FLI1: variants seen among roughly 807,000 people sequenced by gnomAD.
FLI1 encodes Friend leukemia integration 1 transcription factor.
A neutral mutation model predicts 53.1 loss-of-function variants in FLI1; 13 were observed. That is an observed-to-expected ratio of 0.24 (90% CI 0.16 to 0.39). The LOEUF (loss-of-function observed/expected upper bound fraction) is 0.39. Among genes scored for constraint, FLI1 ranks in the 10% least tolerant of loss-of-function variants. FLI1 has a pLI of 1.00. For synonymous variants in FLI1, 244 were observed against 236.7 expected (o/e 1.03, Z -0.28); for missense variants, 424 against 600.5 (o/e 0.71, Z 3.07).
chr11:128,691,372 C>T (rs1004516933), upstream of FLI1, among the ~76,000 whole-genome samples: 4 of 152,196 alleles, frequency 2.6e-5, no homozygotes, highest in African/African-American at 4.8e-5. Flanking sequence ...AACTGACCTA[C>T]GGGCATGCCA....
intron 4 of FLI1, among the ~76,000 whole-genome samples, chr11:128,778,268 C>T (rs562299067): frequency 1.3e-5 from 2 of 152,226 alleles, no homozygotes; most frequent in East Asian, 3.9e-4. Context: ...AAGTGCGCTA[C>T]GTGAGACATT....
chr11:128,807,633 C>T (rs1277200636), intron 7 of FLI1, among the ~76,000 whole-genome samples: 1 of 152,174 alleles, frequency 6.6e-6, no homozygotes, highest in Non-Finnish European at 1.5e-5. Flanking sequence ...CAGAAATATC[C>T]CCATCCTGTG....
rs200878981 is a variant in FLI1 at position 128,698,787 on chromosome 11, GCA to G, written c.18+4513_18+4514del. Among the ~76,000 whole-genome samples the G allele has an allele frequency of 2.5e-4, 38 of 150,268 alleles. No individual in the cohort carries two copies. The East Asian group carries it at 7.5e-3, about 30-fold the overall frequency. ...TAAAAGAAAAATCATAAAGAATTTG[GCA>G]CTTTACACTAAAGACACCTCTGGTA... is the stretch of plus-strand genomic sequence containing the variant. On this transcript the variant is annotated intron_variant, in intron 1 of 8. Coordinates refer to ENST00000527786, the MANE Select transcript of FLI1 (RefSeq NM_002017.5).
chr11:128,713,787 G>A (rs887953955), intron 1 of FLI1, among the ~76,000 whole-genome samples: 11 of 152,094 alleles, frequency 7.2e-5, no homozygotes, highest in African/African-American at 1.7e-4. Flanking sequence ...GATAAGCCTC[G>A]GAGTCAGTAT....
chr11:128,782,901 A>T (rs1565497974), intron 5 of FLI1, among the ~76,000 whole-genome samples: 1 of 152,234 alleles, frequency 6.6e-6, no homozygotes, highest in Non-Finnish European at 1.5e-5. Flanking sequence ...GATTTCAGGC[A>T]TTGAAACAAG....
At chr11:128,721,934 C>A (rs763277075) in intron 1 of FLI1, among the ~76,000 whole-genome samples, 30 of 152,130 alleles carry the variant, frequency 2.0e-4, no homozygotes, top group Non-Finnish European at 2.8e-4. Context: ...TAAGAAGGCC[C>A]CACTAAGTGG....
intron 4 of FLI1, among the ~76,000 whole-genome samples, chr11:128,774,214 T>G (rs868311402): frequency 2.0e-5 from 3 of 152,126 alleles, no homozygotes; most frequent in African/African-American, 7.2e-5. Context: ...AAAACTGGCT[T>G]TGGCAGTTTC....
chr11:128,808,649 C>T (rs971175068), intron 7 of FLI1, among the ~76,000 whole-genome samples: 1 of 152,048 alleles, frequency 6.6e-6, no homozygotes, highest in African/African-American at 2.4e-5. Context: ...AATTGTCCAA[C>T]AAGTTATTTG....
chr11:128,742,901 T>C (rs1280658351), intron 1 of FLI1, among the ~76,000 whole-genome samples: 1 of 152,230 alleles, frequency 6.6e-6, no homozygotes, highest in African/African-American at 2.4e-5. Context: ...TTCTGGTTCA[T>C]GATTAAAAGA....
chr11:128,786,773 T>G, intron 5 of FLI1, among the ~76,000 whole-genome samples: 1 of 152,214 alleles, frequency 6.6e-6, no homozygotes. Flanking sequence ...TTTGCATGCC[T>G]AAGCCCTCAT....
chr11:128,760,499 A>G (rs1269750461), intron 2 of FLI1, among the ~76,000 whole-genome samples: 1 of 149,840 alleles, frequency 6.7e-6, no homozygotes, highest in Non-Finnish European at 1.5e-5. Flanking sequence ...TTGAAGATCC[A>G]GATCCCACTG....
intron 1 of FLI1, among the ~76,000 whole-genome samples, chr11:128,719,478 A>G (rs937057356): frequency 6.6e-6 from 1 of 151,800 alleles, no homozygotes; most frequent in African/African-American, 2.4e-5. Context: ...TAGATGTGAC[A>G]TTGTGAAGTT....
intron 7 of FLI1, 67 bp downstream of exon 7, chr11:128,807,306 T>C (rs1276368703): frequency 3.6e-6 from 4 of 1,120,354 alleles, no homozygotes; most frequent in Non-Finnish European, 5.2e-6. Flanking sequence ...CATGGTCAAC[T>C]GATGGAGGGT....
upstream of FLI1, chr11:128,686,257 C>T (rs929493315): frequency 6.8e-6 from 3 of 444,244 alleles, no homozygotes; most frequent in East Asian, 7.0e-5. Flanking sequence ...CTCCTCAACA[C>T]GCACCAAGAA....
chr11:128,771,932 G>A (rs1467676253), intron 3 of FLI1, among the ~76,000 whole-genome samples: 1 of 152,088 alleles, frequency 6.6e-6, no homozygotes, highest in African/African-American at 2.4e-5. Flanking sequence ...GCCAAGTGAA[G>A]AGATGGGCTT....
rs118049768 is a variant in FLI1, at chr11:128,742,117, G to A, written c.19-15998G>A. ...CCTGTGTTTACACAGCAGGTTTGCC[G>A]CAGCTACTCACTTGTCCAGGGTTAC... On this transcript the variant is annotated intron_variant, in intron 1 of 8. Coordinates refer to ENST00000527786, the MANE Select transcript of FLI1 (RefSeq NM_002017.5). Among the ~76,000 whole-genome samples the A allele has an allele frequency of 1.6e-4, 25 of 152,094 alleles. No homozygotes were observed. In the East Asian group the frequency reaches 1.9e-3, roughly 12 times the overall value.
intron 1 of FLI1, among the ~76,000 whole-genome samples, chr11:128,705,968 G>A (rs1007602209): frequency 1.3e-5 from 2 of 152,158 alleles, no homozygotes; most frequent in African/African-American, 4.8e-5. Flanking sequence ...ACCAGGGGTC[G>A]ATGAGCTACT....
intron 1 of FLI1, among the ~76,000 whole-genome samples, chr11:128,701,042 C>T (rs1234752935): frequency 6.6e-6 from 1 of 152,184 alleles, no homozygotes; most frequent in African/African-American, 2.4e-5. Flanking sequence ...TCAGAGGCCA[C>T]ACAAGAAATG....
Position 128,723,387 on chromosome 11 carries a change from C to T in FLI1, c.18+29111C>T, listed in dbSNP as rs548198348. 7.9e-5 allele frequency among the ~76,000 whole-genome samples: 12 copies of T among 152,242 alleles called. 1 individual carries two copies. The highest frequency in any genetic ancestry group is 4.1e-4 in the South Asian group (2 of 4,820). On this transcript the variant is annotated intron_variant, in intron 1 of 8. Transcript: ENST00000527786. ...GAAGGCCCATCTCCATGGGTGTCTA[C>T]GTCTCCAGGTGATGAGTCAATGTCT...
Sources: allele counts gnomAD v4.1 joint callset (sites outside exome capture counted in the v4.1 genomes callset), GRCh38; gene constraint gnomAD v4.1.1; transcripts MANE v1.5; gene names NCBI Gene and HGNC (gene_info 2026-07-23, HGNC 2026-07-21).